The following MEMO1 variants were observed in gnomAD, a reference collection of about 807,000 sequenced individuals.
MEMO1 encodes mediator of cell motility 1.
Under a neutral mutation model 45.2 loss-of-function variants are expected in MEMO1, and 6 were observed. The ratio of observed to expected loss-of-function variants is 0.13; its 90% CI spans 0.07 to 0.26. The LOEUF is 0.26. Among genes scored for constraint, MEMO1 ranks in the 10% least tolerant of loss-of-function variants. The pLI is 1.00. For missense variants in MEMO1, 184 were observed against 370.5 expected (o/e 0.50, Z 4.13); for synonymous variants, 78 against 124.3 (o/e 0.63, Z 2.48).
At chr2:31,938,621 C>G (rs1665221090) in intron 3 of MEMO1, among the ~76,000 whole-genome samples, 2 of 151,544 alleles carry the variant, frequency 1.3e-5, no homozygotes, top group South Asian at 4.2e-4. Flanking sequence ...GCACTCCAGC[C>G]TGGGTGACAG....
intron 2 of MEMO1, among the ~76,000 whole-genome samples, chr2:31,960,042 C>T (rs1248671528): frequency 6.6e-6 from 1 of 151,922 alleles, no homozygotes; most frequent in Non-Finnish European, 1.5e-5. Context: ...GCTAAAAGTA[C>T]AAAAATCAGC....
At chr2:31,982,980 T>C (rs749407434) in intron 2 of MEMO1, among the ~76,000 whole-genome samples, 1 of 151,944 alleles carries the variant, frequency 6.6e-6, no homozygotes, top group South Asian at 2.1e-4. Flanking sequence ...GGCTCACGCC[T>C]GTAATCCCAG....
chr2:31,882,454 T>C (rs770444036), intron 8 of MEMO1, among the ~76,000 whole-genome samples: 1 of 152,166 alleles, frequency 6.6e-6, no homozygotes, highest in East Asian at 1.9e-4. Context: ...ATGATGTGAG[T>C]TTATTATGTT....
chr2:31,918,875 C>G lies in MEMO1; in HGVS notation c.326-838G>C, dbSNP rs1467943530. 2.6e-5 allele frequency among the ~76,000 whole-genome samples: 4 copies of G among 152,160 alleles called. No individual in the cohort carries two copies. The South Asian group carries it at 8.3e-4, about 32-fold the overall frequency. The stretch of plus-strand genomic sequence containing the variant: ...TGACCTCTTTTCTTGAAAAAATTCT[C>G]TATTTCTTCACTGGCAAGCTACCCA... On this transcript the variant is annotated intron_variant, in intron 5 of 9. Transcript: ENST00000404530.
chr2:31,927,408 T>C (rs1683270119), intron 4 of MEMO1, among the ~76,000 whole-genome samples: 1 of 152,224 alleles, frequency 6.6e-6, no homozygotes, highest in African/African-American at 2.4e-5. Context: ...TGAGTTTTGG[T>C]GTAGTATTAA....
intron 2 of MEMO1, among the ~76,000 whole-genome samples, chr2:31,990,693 G>A (rs934683882): frequency 6.6e-5 from 10 of 151,254 alleles, no homozygotes; most frequent in Non-Finnish European, 1.2e-4. Context: ...AGGTATGAGC[G>A]ACCACGCCTA....
At chr2:31,879,534 C>A (rs745637295) in intron 8 of MEMO1, among the ~76,000 whole-genome samples, 2 of 152,034 alleles carry the variant, frequency 1.3e-5, no homozygotes, top group Non-Finnish European at 2.9e-5. Context: ...TGTTCTAAAC[C>A]AGTACTGTCC....
chr2:31,966,583 T>C (rs1300990664), intron 2 of MEMO1, among the ~76,000 whole-genome samples: 1 of 151,760 alleles, frequency 6.6e-6, no homozygotes, highest in Non-Finnish European at 1.5e-5. Context: ...ATACAAAAAT[T>C]AGCCAGGCAT....
chr2:31,906,101 T>C (rs1051185759), intron 6 of MEMO1, among the ~76,000 whole-genome samples: 2 of 150,432 alleles, frequency 1.3e-5, no homozygotes, highest in African/African-American at 4.9e-5. Context: ...GCCTCCCGAG[T>C]AGCTGGGATA....
At chr2:31,980,048 A>G (rs1354644514) in intron 2 of MEMO1, among the ~76,000 whole-genome samples, 1 of 152,078 alleles carries the variant, frequency 6.6e-6, no homozygotes, top group Non-Finnish European at 1.5e-5. Flanking sequence ...GTCTTAACTC[A>G]GTTATCTAAA....
chr2:31,883,291 A>T (rs1675686658), intron 8 of MEMO1, 95 bp downstream of exon 8: 2 of 892,792 alleles, frequency 2.2e-6, no homozygotes, highest in Non-Finnish European at 3.4e-6. Context: ...GATAGGGAAA[A>T]AATATATTAT....
At chr2:31,870,991 T>C (rs1314832213) in intron 8 of MEMO1, among the ~76,000 whole-genome samples, 3 of 152,204 alleles carry the variant, frequency 2.0e-5, no homozygotes, top group South Asian at 2.1e-4. Context: ...TAAAATTTGT[T>C]AGACTATTGT....
chr2:32,010,486 A>T (rs1363952480), intron 1 of MEMO1: 3 of 342,986 alleles, frequency 8.7e-6, no homozygotes, highest in East Asian at 1.2e-4. Context: ...AACTCCGGCG[A>T]CCGCCGGAAG....
In MEMO1 at chr2:31,917,946, A is replaced by G; in HGVS notation, c.417T>C (p.Tyr139=). 2 of 1,608,844 alleles carry G rather than the reference A, an allele frequency of 1.2e-6. No individual in the cohort carries two copies. The highest frequency in any genetic ancestry group is 1.7e-6 in the Non-Finnish European group (2 of 1,177,854). ...DEHSIEMHLP[Y]TAKAMESHKD... ...TATACCTTTCCATGGCTTTAGCTGT[A>G]TAAGGCAAATGCATTTCAATACTGT... The change falls in exon 6 of 10, where the codon TAT becomes TAC. Residue 139 remains tyrosine, a synonymous_variant. Coordinates refer to ENST00000404530, the MANE Select transcript of MEMO1 (RefSeq NM_001301833.4).
intron 2 of MEMO1, among the ~76,000 whole-genome samples, chr2:31,948,943 T>C (rs1433649574): frequency 6.6e-6 from 1 of 152,102 alleles, no homozygotes; most frequent in Non-Finnish European, 1.5e-5. Context: ...GTATCAAAAA[T>C]GGGCAAAAAT....
intron 2 of MEMO1, among the ~76,000 whole-genome samples, chr2:32,008,298 A>ACTT (rs1240804822): frequency 5.9e-5 from 9 of 152,228 alleles, no homozygotes; most frequent in Non-Finnish European, 1.3e-4. Context: ...AAAACATTGA[A>ACTT]CTTCTGGCCT....
chr2:31,931,894 A>C (rs1363014624), intron 4 of MEMO1, among the ~76,000 whole-genome samples, 173 bp downstream of exon 4: 1 of 152,208 alleles, frequency 6.6e-6, no homozygotes, highest in Non-Finnish European at 1.5e-5. Context: ...ACAACAAAAA[A>C]GAAGTATTGA....
chr2:31,968,724 C>G (rs143089450), intron 2 of MEMO1, among the ~76,000 whole-genome samples: 2 of 152,232 alleles, frequency 1.3e-5, no homozygotes, highest in African/African-American at 4.8e-5. Context: ...ATTAAGTGTT[C>G]CGTTTGTTTC....
At chr2:31,949,730 G>A (rs754307294) in intron 2 of MEMO1, among the ~76,000 whole-genome samples, 6 of 150,982 alleles carry the variant, frequency 4.0e-5, no homozygotes, top group Admixed American at 6.6e-5. Context: ...TAACTTAATC[G>A]CTCATTTTAA....
Sources: gnomAD v4.1 joint callset for allele counts (sites outside exome capture counted in the v4.1 genomes callset) on GRCh38, gnomAD v4.1.1 for gene constraint, MANE v1.5 for transcripts, NCBI Gene and HGNC (gene_info 2026-07-23, HGNC 2026-07-21) for gene names.